CSMD1: variants seen among roughly 807,000 people sequenced by gnomAD.
CSMD1 encodes the protein CUB and sushi domain-containing protein 1.
In CSMD1, 213 loss-of-function variants were observed where a neutral mutation model predicts 417.5. That is an observed-to-expected ratio of 0.51 (90% CI 0.46 to 0.57). CSMD1 has a LOEUF of 0.57. Ranked by LOEUF, CSMD1 falls within the 20% of genes least tolerant of loss-of-function variation. The pLI, the probability that CSMD1 is intolerant of heterozygous loss-of-function variation, is 0.00. For missense variants in CSMD1, 6,923 were observed against 4,529.7 expected, an observed-to-expected ratio of 1.53 and a Z score of -15.17; for synonymous variants, 2,862 against 1,736.8, an observed-to-expected ratio of 1.65 and a Z score of -16.11.
chr8:3,643,697 T>C (rs1797428167), intron 7 of CSMD1, among the ~76,000 whole-genome samples: 1 of 56,270 alleles, frequency 1.8e-5, no homozygotes, highest in African/African-American at 1.0e-4. Context: ...TGAGACTCCG[T>C]CTCAAAAAAA....
chr8:4,499,829 G>T (rs1205507850), intron 2 of CSMD1, among the ~76,000 whole-genome samples: 2 of 152,208 alleles, frequency 1.3e-5, no homozygotes, highest in Non-Finnish European at 2.9e-5. Flanking sequence ...GATCTTTAAA[G>T]TAAATGTATT....
At chr8:3,968,116 G>A (rs1456617226) in intron 5 of CSMD1, among the ~76,000 whole-genome samples, 1 of 151,584 alleles carries the variant, frequency 6.6e-6, no homozygotes, top group Non-Finnish European at 1.5e-5. Context: ...GAACCCGGGA[G>A]GCAGAGCTTG....
chr8:3,580,714 T>C (rs1377693801), intron 9 of CSMD1, among the ~76,000 whole-genome samples: 2 of 152,268 alleles, frequency 1.3e-5, no homozygotes, highest in Middle Eastern at 3.4e-3. Context: ...TGTTCTTCTG[T>C]CTAAATCTCT....
At chr8:3,179,000 T>G (rs192860721) in intron 37 of CSMD1, among the ~76,000 whole-genome samples, 14,575 of 149,916 alleles carry the variant, frequency 0.097, 966 homozygotes, top group Non-Finnish European at 0.14. Context: ...CAGGCTGGAG[T>G]GCAGTGGCGC....
intron 5 of CSMD1, among the ~76,000 whole-genome samples, chr8:3,893,814 G>C (rs1323266983): frequency 1.3e-5 from 2 of 152,082 alleles, no homozygotes; most frequent in Non-Finnish European, 1.5e-5. Flanking sequence ...TGCACACTTT[G>C]ATTTTACCTG....
intron 5 of CSMD1, among the ~76,000 whole-genome samples, chr8:3,774,410 C>T (rs191846009): frequency 2.0e-5 from 3 of 152,232 alleles, no homozygotes; most frequent in African/African-American, 4.8e-5. Context: ...TCAAAGATGC[C>T]GTCAGCCTGC....
At chr8:3,672,614 T>A (rs1171165914) in intron 7 of CSMD1, among the ~76,000 whole-genome samples, 5 of 152,214 alleles carry the variant, frequency 3.3e-5, no homozygotes, top group African/African-American at 1.2e-4. Flanking sequence ...TGTCTACTCT[T>A]GAAGGTATTT....
chr8:4,602,134 C>G (rs931706070), intron 2 of CSMD1, among the ~76,000 whole-genome samples: 39 of 152,196 alleles, frequency 2.6e-4, no homozygotes, highest in African/African-American at 8.9e-4. Flanking sequence ...TTCTGCTCCC[C>G]CAGTTCCCTA....
rs80116456 is a variant in CSMD1 at position 3,744,134 on chromosome 8, G to C, written c.931+9796C>G. 1.2e-3 allele frequency among the ~76,000 whole-genome samples: 188 copies of C among 152,250 alleles called. 2 individuals are homozygous for C. The East Asian group carries it at 0.031, about 25-fold the overall frequency. On this transcript the variant is annotated intron_variant, in intron 6 of 69. Coordinates refer to ENST00000635120, the MANE Select transcript of CSMD1 (RefSeq NM_033225.6). Reference sequence around the variant, plus strand: ...CAAGTAAACCTCCTGAAATGATTGAGACTTGTCTCGTCACTTTTCTGGATT... The same window carrying C: ...CAAGTAAACCTCCTGAAATGATTGACACTTGTCTCGTCACTTTTCTGGATT...
At chr8:4,131,466 A>C (rs370235641) in intron 3 of CSMD1, among the ~76,000 whole-genome samples, 55 of 152,302 alleles carry the variant, frequency 3.6e-4, no homozygotes, top group African/African-American at 1.3e-3. Flanking sequence ...ACTTCTTAAA[A>C]AATAAAAGTT....
chr8:3,720,210 T>A (rs868501191), intron 6 of CSMD1, among the ~76,000 whole-genome samples: 1 of 152,164 alleles, frequency 6.6e-6, no homozygotes, highest in South Asian at 2.1e-4. Context: ...AAGACGTCCA[T>A]GGAGTTGGAA....
At chr8:3,595,780 T>C (rs1356305904) in intron 8 of CSMD1, among the ~76,000 whole-genome samples, 1 of 152,196 alleles carries the variant, frequency 6.6e-6, no homozygotes, top group African/African-American at 2.4e-5. Flanking sequence ...CAGGACTTTG[T>C]CATGCGAAGT....
intron 3 of CSMD1, among the ~76,000 whole-genome samples, chr8:4,322,120 T>G (rs371443106): frequency 1.1e-4 from 17 of 152,326 alleles, no homozygotes; most frequent in African/African-American, 3.8e-4. Flanking sequence ...TATAAAATAT[T>G]GGATCATTTT....
At chr8:3,877,063 A>G (rs1805871600) in intron 5 of CSMD1, among the ~76,000 whole-genome samples, 1 of 152,178 alleles carries the variant, frequency 6.6e-6, no homozygotes, top group African/African-American at 2.4e-5. Context: ...TCGTAACCAC[A>G]ATGTCTTAAG....
At chr8:3,803,024 T>A (rs918931048) in intron 5 of CSMD1, among the ~76,000 whole-genome samples, 12 of 152,236 alleles carry the variant, frequency 7.9e-5, no homozygotes, top group African/African-American at 2.9e-4. Flanking sequence ...ATAAGAACAA[T>A]GAAATCCAGA....
At chr8:4,032,436 T>A (rs1447644433) in intron 3 of CSMD1, among the ~76,000 whole-genome samples, 1 of 152,118 alleles carries the variant, frequency 6.6e-6, no homozygotes, top group African/African-American at 2.4e-5. Context: ...AGCAACCAGA[T>A]GTCAGTGTCA....
chr8:3,107,642 G>C, intron 45 of CSMD1, 76 bp downstream of exon 45: 1 of 820,378 alleles, frequency 1.2e-6, no homozygotes, highest in Non-Finnish European at 2.0e-6. Context: ...ACTTGTCTGA[G>C]TAATGATTAC....
At chr8:4,608,362 C>T (rs981562637) in intron 2 of CSMD1, among the ~76,000 whole-genome samples, 4 of 152,076 alleles carry the variant, frequency 2.6e-5, no homozygotes, top group Non-Finnish European at 4.4e-5. Flanking sequence ...GGTGGCTGAC[C>T]GGAACATGGT....
intron 2 of CSMD1, among the ~76,000 whole-genome samples, chr8:4,456,283 A>C (rs751385790): frequency 1.8e-4 from 28 of 152,218 alleles, no homozygotes; most frequent in Non-Finnish European, 3.7e-4. Flanking sequence ...GTGAGATCTA[A>C]AAGCTGAAGA....
Sources: allele counts gnomAD v4.1 joint callset (sites outside exome capture counted in the v4.1 genomes callset), GRCh38; gene constraint gnomAD v4.1.1; transcripts MANE v1.5; gene names NCBI Gene and HGNC (gene_info 2026-07-23, HGNC 2026-07-21).